The following FLNB variants were observed in gnomAD, a reference collection of about 807,000 sequenced individuals.
FLNB encodes filamin-B.
A neutral mutation model predicts 250.6 loss-of-function variants in FLNB; 111 were observed. The observed-to-expected ratio is 0.44, with a 90% CI of 0.38 to 0.52. The LOEUF (loss-of-function observed/expected upper bound fraction) is 0.52. Ranked by LOEUF, FLNB falls within the 20% of genes least tolerant of loss-of-function variation. The pLI is 0.00. For synonymous variants in FLNB, 1,302 were observed against 1,372.1 expected, an observed-to-expected ratio of 0.95 and a Z score of 1.13; for missense variants, 2,869 against 3,447.8, an observed-to-expected ratio of 0.83 and a Z score of 4.20.
intron 1 of FLNB, among the ~76,000 whole-genome samples, chr3:58,051,516 C>G (rs1175548610): frequency 6.6e-6 from 1 of 152,072 alleles, no homozygotes; most frequent in Non-Finnish European, 1.5e-5. Flanking sequence ...GATAAAGGGT[C>G]GTCGTCTTGA....
chr3:58,053,942 G>A (rs1559660414), intron 1 of FLNB, among the ~76,000 whole-genome samples: 1 of 152,224 alleles, frequency 6.6e-6, no homozygotes, highest in Non-Finnish European at 1.5e-5. Context: ...CCTCCCAGAG[G>A]CGCGAAGAGC....
rs145399951 is a variant in FLNB, at chr3:58,053,029, T to C, written c.293-24017T>C. On this transcript the variant is annotated intron_variant, in intron 1 of 45. Coordinates refer to ENST00000295956, the MANE Select transcript of FLNB (RefSeq NM_001457.4). ...TACCATTCCTGCAAGGTATAGACAT[T>C]GTCAGCCCATTTTACAGATGAGGAA... 2.7e-3 allele frequency among the ~76,000 whole-genome samples: 408 copies of C among 152,240 alleles called. 2 individuals carry two copies. The highest frequency in any genetic ancestry group is 9.4e-3 in the African/African-American group (391 of 41,536).
At chr3:58,121,009 G>C (rs2097287931) in intron 19 of FLNB, among the ~76,000 whole-genome samples, 1 of 152,236 alleles carries the variant, frequency 6.6e-6, no homozygotes. Flanking sequence ...GTAAATGATA[G>C]CCGTTATTGC....
At chr3:58,015,298 T>C (rs2097104296) in intron 1 of FLNB, among the ~76,000 whole-genome samples, 1 of 152,236 alleles carries the variant, frequency 6.6e-6, no homozygotes, top group Non-Finnish European at 1.5e-5. Context: ...ATTATCACTA[T>C]GAATATTGTG....
At chr3:58,096,067 A>T in intron 5 of FLNB, 74 bp from the exon 6 acceptor site, 1 of 1,190,602 alleles carries the variant, frequency 8.4e-7, no homozygotes, top group Non-Finnish European at 1.2e-6. Flanking sequence ...GCTCCTGCAG[A>T]ACCCCTGCTG....
At chr3:58,168,897 C>G (rs1163537400) in intron 44 of FLNB, 3 of 538,426 alleles carry the variant, frequency 5.6e-6, no homozygotes, top group Non-Finnish European at 1.0e-5. Flanking sequence ...CTATCTCTAA[C>G]AGGAAAGAAT....
At chr3:58,045,810 G>A (rs1326014352) in intron 1 of FLNB, among the ~76,000 whole-genome samples, 1 of 152,020 alleles carries the variant, frequency 6.6e-6, no homozygotes, top group African/African-American at 2.4e-5. Flanking sequence ...GACCAGCCCG[G>A]CCAACATGGT....
chr3:58,092,297 G>A (rs2097229298), intron 4 of FLNB, among the ~76,000 whole-genome samples: 1 of 152,142 alleles, frequency 6.6e-6, no homozygotes, highest in Admixed American at 6.6e-5. Flanking sequence ...ATACATTGCT[G>A]GTGGGAATGT....
chr3:58,052,161 T>C (rs2097163432), intron 1 of FLNB, among the ~76,000 whole-genome samples: 1 of 152,174 alleles, frequency 6.6e-6, no homozygotes, highest in African/African-American at 2.4e-5. Context: ...GTGCTGGGAT[T>C]ATGGGTGTGA....
intron 1 of FLNB, among the ~76,000 whole-genome samples, chr3:58,073,250 G>A (rs2097197263): frequency 6.6e-6 from 1 of 152,062 alleles, no homozygotes; most frequent in Admixed American, 6.6e-5. Context: ...ATGGAAACTT[G>A]TTTGATCTGG....
At chr3:58,073,255 AT>A in intron 1 of FLNB, among the ~76,000 whole-genome samples, 1 of 151,962 alleles carries the variant, frequency 6.6e-6, no homozygotes, top group East Asian at 1.9e-4. Context: ...AACTTGTTTG[AT>A]CTGGAATTTC....
At chr3:58,156,116 ACC>A in intron 41 of FLNB, 41 bp downstream of exon 41, 1 of 1,465,202 alleles carries the variant, frequency 6.8e-7, no homozygotes, top group Non-Finnish European at 9.6e-7. Context: ...GCCGCAGGCC[ACC>A]AGTGAGACCC....
intron 43 of FLNB, 103 bp from the exon 44 acceptor site, chr3:58,168,337 G>A: frequency 1.1e-6 from 1 of 880,632 alleles, no homozygotes; most frequent in East Asian, 2.6e-5. Flanking sequence ...ACCAGGGTGA[G>A]CCCTCTGTAA....
At chr3:58,095,032 C>T in intron 5 of FLNB, 78 bp downstream of exon 5, 1 of 1,109,458 alleles carries the variant, frequency 9.0e-7, no homozygotes, top group South Asian at 1.2e-5. Flanking sequence ...AGGGACTGTG[C>T]CTCCATTTTC....
At chr3:58,073,574 ATTT>A (rs71091339) in intron 1 of FLNB, among the ~76,000 whole-genome samples, 65 of 143,880 alleles carry the variant, frequency 4.5e-4, no homozygotes, top group Non-Finnish European at 4.6e-4. Flanking sequence ...GAAGTTCTTA[ATTT>A]TTTTTTTTTT....
chr3:58,105,823 G>T (rs937959075), intron 11 of FLNB, among the ~76,000 whole-genome samples: 7 of 152,186 alleles, frequency 4.6e-5, no homozygotes, highest in African/African-American at 1.7e-4. Context: ...GCCAGATGTG[G>T]CCTTCAGACT....
chr3:58,126,986 C>A (rs1437318644), intron 24 of FLNB, among the ~76,000 whole-genome samples: 3 of 152,088 alleles, frequency 2.0e-5, no homozygotes, highest in Non-Finnish European at 4.4e-5. Flanking sequence ...AACAGTTGTG[C>A]GTGTGTTGGA....
intron 4 of FLNB, among the ~76,000 whole-genome samples, chr3:58,090,148 C>CT (rs61103936): frequency 5.2e-4 from 76 of 146,986 alleles, no homozygotes; most frequent in African/African-American, 1.3e-3. Flanking sequence ...ACTTTTAAAA[C>CT]TTTTTTTTTT....
intron 41 of FLNB, among the ~76,000 whole-genome samples, chr3:58,158,726 G>A (rs1462668335): frequency 1.3e-5 from 2 of 152,218 alleles, no homozygotes; most frequent in African/African-American, 4.8e-5. Context: ...CCTCCCAGAA[G>A]AGGAGATAGT....
Sources: gnomAD v4.1 joint callset for allele counts (sites outside exome capture counted in the v4.1 genomes callset) on GRCh38, gnomAD v4.1.1 for gene constraint, MANE v1.5 for transcripts, NCBI Gene and HGNC (gene_info 2026-07-23, HGNC 2026-07-21) for gene names.